The following CCDC6 variants were observed in gnomAD, a reference collection of about 807,000 sequenced individuals.
CCDC6 encodes the protein coiled-coil domain containing 6.
CCDC6 carries 20 observed loss-of-function variants against 56.6 expected under a neutral mutation model. That is an observed-to-expected ratio of 0.35 (90% CI 0.25 to 0.51). The LOEUF (loss-of-function observed/expected upper bound fraction) is 0.51, where lower values mean the gene tolerates loss of function less well. Ranked by LOEUF, CCDC6 falls within the 20% of genes least tolerant of loss-of-function variation. CCDC6 has a pLI of 0.95. For synonymous variants in CCDC6, 241 were observed against 234.4 expected (o/e 1.03, Z -0.26); for missense variants, 367 against 601.1 (o/e 0.61, Z 4.07).
At chr10:59,858,961 C>A (rs992551390) in intron 1 of CCDC6, among the ~76,000 whole-genome samples, 1 of 152,114 alleles carries the variant, frequency 6.6e-6, no homozygotes, top group African/African-American at 2.4e-5. Flanking sequence ...AGCTATATGA[C>A]CCTAGCAGAG....
At position 59,797,655 on chromosome 10, in the gene CCDC6, TGAGTGAGA is replaced by T. The variant is rs149405478; in HGVS notation, c.1106-3066_1106-3059del. 1.1e-4 allele frequency among the ~76,000 whole-genome samples: 11 copies of T among 97,842 alleles called. No homozygotes were observed. In the East Asian group the frequency reaches 3.3e-3, roughly 30 times the overall value. The allele number at this position is 97,842 out of a possible 152,430, so 64.2% of individuals were successfully genotyped here. ...AAGACAGGGAGAGTGTGGGCATGAGTGAGTGAGAGAGAGAGAGAGTGAGAGTGTTGTGT... is the reference window on the plus strand; with the variant it reads ...AAGACAGGGAGAGTGTGGGCATGAGTGAGAGAGAGAGTGAGAGTGTTGTGT... On this transcript the variant is annotated intron_variant, in intron 7 of 8. Transcript: ENST00000263102.
At chr10:59,880,536 T>A (rs190250895) in intron 1 of CCDC6, among the ~76,000 whole-genome samples, 2 of 152,094 alleles carry the variant, frequency 1.3e-5, no homozygotes, top group African/African-American at 4.8e-5. Context: ...CACAGTGGAG[T>A]CCAGGTATTA....
intron 1 of CCDC6, among the ~76,000 whole-genome samples, chr10:59,864,482 C>G (rs895463466): frequency 4.6e-5 from 7 of 152,182 alleles, no homozygotes; most frequent in African/African-American, 1.7e-4. Context: ...TATTAATATA[C>G]TAAGATGTGA....
intron 7 of CCDC6, among the ~76,000 whole-genome samples, chr10:59,796,977 A>T (rs2070526143): frequency 6.6e-6 from 1 of 152,088 alleles, no homozygotes; most frequent in African/African-American, 2.4e-5. Flanking sequence ...TCTCAAAAAA[A>T]AAAAAAAAAA....
intron 1 of CCDC6, among the ~76,000 whole-genome samples, chr10:59,868,811 C>T (rs1235307391): frequency 1.3e-5 from 2 of 152,210 alleles, no homozygotes; most frequent in Non-Finnish European, 2.9e-5. Flanking sequence ...TGACACTTCA[C>T]ACGTGTGGTT....
At chr10:59,814,027 A>T (rs1044367540) in intron 4 of CCDC6, among the ~76,000 whole-genome samples, 1 of 152,162 alleles carries the variant, frequency 6.6e-6, no homozygotes, top group Admixed American at 6.5e-5. Flanking sequence ...TCTTCTTCCC[A>T]TTCTTACAAG....
chr10:59,856,415 G>C (rs1345695462), intron 1 of CCDC6, among the ~76,000 whole-genome samples: 1 of 151,512 alleles, frequency 6.6e-6, no homozygotes, highest in African/African-American at 2.4e-5. Context: ...ACCAGAGAAT[G>C]AACCATGCAT....
chr10:59,880,317 C>T (rs1813537847), intron 1 of CCDC6, among the ~76,000 whole-genome samples: 1 of 152,056 alleles, frequency 6.6e-6, no homozygotes, highest in South Asian at 2.1e-4. Flanking sequence ...TGGTTTTGCC[C>T]TATAGTAACA....
chr10:59,835,910 G>A (rs1177889886), intron 2 of CCDC6, among the ~76,000 whole-genome samples: 2 of 151,904 alleles, frequency 1.3e-5, no homozygotes, highest in East Asian at 1.9e-4. Flanking sequence ...AAGATTAGCT[G>A]GACACGGTGG....
intron 3 of CCDC6, among the ~76,000 whole-genome samples, chr10:59,815,331 T>C (rs964507547): frequency 1.3e-5 from 2 of 152,180 alleles, no homozygotes; most frequent in African/African-American, 2.4e-5. Context: ...AAATTTGATT[T>C]GGGGGAGGCT....
intron 1 of CCDC6, among the ~76,000 whole-genome samples, chr10:59,869,667 G>A (rs2132667466): frequency 6.6e-6 from 1 of 152,152 alleles, no homozygotes; most frequent in South Asian, 2.1e-4. Context: ...CCACTCTTGT[G>A]CTCATACAAC....
chr10:59,840,950 A>G (rs2070933083), intron 2 of CCDC6, among the ~76,000 whole-genome samples: 1 of 152,158 alleles, frequency 6.6e-6, no homozygotes, highest in African/African-American at 2.4e-5. Flanking sequence ...CCAATCCATA[A>G]TCTCTTCATG....
At chr10:59,888,236 A>C (rs981860726) in intron 1 of CCDC6, among the ~76,000 whole-genome samples, 8 of 152,232 alleles carry the variant, frequency 5.3e-5, no homozygotes, top group Non-Finnish European at 1.0e-4. Flanking sequence ...ATGCCAGTCC[A>C]TCTTCCGAGG....
chr10:59,881,790 C>T (rs989161353), intron 1 of CCDC6, among the ~76,000 whole-genome samples: 17 of 152,152 alleles, frequency 1.1e-4, no homozygotes, highest in Non-Finnish European at 2.2e-4. Context: ...AAACAATTTT[C>T]TTGTGAGAGT....
chr10:59,872,793 A>G (rs1236947207), intron 1 of CCDC6, among the ~76,000 whole-genome samples: 62 of 141,208 alleles, frequency 4.4e-4, no homozygotes, highest in East Asian at 6.7e-4. Flanking sequence ...GGGGTGGGGG[A>G]AGGTAACAAC....
intron 2 of CCDC6, among the ~76,000 whole-genome samples, chr10:59,843,742 A>G (rs111938752): frequency 0.013 from 1,905 of 152,322 alleles, 16 homozygotes; most frequent in Middle Eastern, 0.017. Context: ...GCTAAGCACC[A>G]TAAGTCTGGG....
chr10:59,880,327 A>G (rs551426001), intron 1 of CCDC6, among the ~76,000 whole-genome samples: 10 of 152,312 alleles, frequency 6.6e-5, no homozygotes, highest in African/African-American at 2.4e-4. Flanking sequence ...CTATAGTAAC[A>G]AATGGTTTTT....
chr10:59,849,364 T>C (rs565765013), intron 2 of CCDC6, among the ~76,000 whole-genome samples: 1 of 152,282 alleles, frequency 6.6e-6, no homozygotes, highest in South Asian at 2.1e-4. Flanking sequence ...GATGAACACA[T>C]ATGGAGGTGT....
chr10:59,900,207 G>C lies in CCDC6; in HGVS notation c.303+5915C>G, dbSNP rs189887180. Among the ~76,000 whole-genome samples, 3 of 152,170 alleles carry C rather than the reference G, an allele frequency of 2.0e-5. No individual in the cohort carries two copies. The East Asian group carries it at 5.8e-4, about 29-fold the overall frequency. On this transcript the variant is annotated intron_variant, in intron 1 of 8. Coordinates refer to ENST00000263102, the MANE Select transcript of CCDC6 (RefSeq NM_005436.5). Reference sequence around the variant, plus strand: ...GTCGAGTGTCAGTGACGTGGGGTGGGGGGGGTGGTGTCTATGGAACCACGG... The same window carrying C: ...GTCGAGTGTCAGTGACGTGGGGTGGCGGGGGTGGTGTCTATGGAACCACGG...
Sources: gnomAD v4.1 joint callset for allele counts (sites outside exome capture counted in the v4.1 genomes callset) on GRCh38, gnomAD v4.1.1 for gene constraint, MANE v1.5 for transcripts, NCBI Gene and HGNC (gene_info 2026-07-23, HGNC 2026-07-21) for gene names.